Variants in BNC2 observed in about 807,000 individuals in gnomAD.
BNC2 encodes the protein basonuclin zinc finger protein 2, also known as zinc finger protein basonuclin-2.
Under a neutral mutation model 76.3 loss-of-function variants are expected in BNC2, and 20 were observed. The observed-to-expected ratio is 0.26, with a 90% CI of 0.18 to 0.38. The LOEUF is 0.38. Ranked by LOEUF, BNC2 falls within the 10% of genes least tolerant of loss-of-function variation. BNC2 has a pLI of 1.00. For synonymous variants in BNC2, 582 were observed against 514.8 expected (o/e 1.13, Z -1.77); for missense variants, 1,382 against 1,399.8 (o/e 0.99, Z 0.20).
chr9:16,540,095 TA>T (rs923738681), intron 5 of BNC2, among the ~76,000 whole-genome samples: 2 of 150,214 alleles, frequency 1.3e-5, no homozygotes, highest in Admixed American at 6.7e-5. Flanking sequence ...ACATGCATAG[TA>T]AAAAAAAGAC....
intron 4 of BNC2, among the ~76,000 whole-genome samples, chr9:16,565,989 CATCCGTA>C (rs1563842352): frequency 6.6e-6 from 1 of 152,130 alleles, no homozygotes; most frequent in Non-Finnish European, 1.5e-5. Context: ...AGCGAGGTTC[CATCCGTA>C]AAGCTGTATT....
intron 5 of BNC2, among the ~76,000 whole-genome samples, chr9:16,522,400 C>A (rs769030315): frequency 2.0e-5 from 3 of 152,170 alleles, no homozygotes; most frequent in Non-Finnish European, 4.4e-5. Flanking sequence ...GAAGAAATAC[C>A]GGCATCTGGT....
At chr9:16,686,395 T>C (rs2134357320) in intron 3 of BNC2, among the ~76,000 whole-genome samples, 1 of 152,286 alleles carries the variant, frequency 6.6e-6, no homozygotes, top group Admixed American at 6.5e-5. Flanking sequence ...TCATTTCAGA[T>C]TTTTTTAAGA....
At chr9:16,706,887 T>C (rs1160783750) in intron 3 of BNC2, among the ~76,000 whole-genome samples, 1 of 152,172 alleles carries the variant, frequency 6.6e-6, no homozygotes, top group Non-Finnish European at 1.5e-5. Flanking sequence ...TGAAATCAAA[T>C]TGTCAGTTTA....
At chr9:16,803,293 T>G (rs1005735584) in intron 1 of BNC2, among the ~76,000 whole-genome samples, 1 of 152,230 alleles carries the variant, frequency 6.6e-6, no homozygotes, top group Non-Finnish European at 1.5e-5. Flanking sequence ...GCTGAAATCC[T>G]GCTGGAAATG....
chr9:16,582,970 A>T lies in BNC2; in HGVS notation c.433+13T>A. 1 of 1,599,332 alleles carries T rather than the reference A, an allele frequency of 6.3e-7. No homozygotes were observed. Among genetic ancestry groups the T allele is most frequent in the African/African-American group, 1.3e-5 (1 of 74,626 alleles). On this transcript the variant is annotated intron_variant, in intron 4 of 6. Transcript: ENST00000380672. ...ATAATAAGAACGGGAAGAAAAGCCC[A>T]GATTTTCCTCACCATGTGCCACCCA... is the stretch of plus-strand genomic sequence containing the variant.
At chr9:16,868,982 G>A (rs955264023) in intron 1 of BNC2, among the ~76,000 whole-genome samples, 1 of 152,198 alleles carries the variant, frequency 6.6e-6, no homozygotes, top group Non-Finnish European at 1.5e-5. Context: ...GTGGAAGGCA[G>A]ACAGGCTTAG....
At chr9:16,603,349 A>G (rs187076917) in intron 3 of BNC2, among the ~76,000 whole-genome samples, 10 of 152,352 alleles carry the variant, frequency 6.6e-5, no homozygotes, top group Admixed American at 2.0e-4. Flanking sequence ...ACCAGTTAAA[A>G]TTACATTTTT....
chr9:16,790,817 CT>C (rs372342400), intron 1 of BNC2, among the ~76,000 whole-genome samples: 1,459 of 128,808 alleles, frequency 0.011, 20 homozygotes, highest in African/African-American at 0.038. Context: ...CCTTGGTAAG[CT>C]TTTTTTTTTT....
chr9:16,840,149 T>A (rs1046239076), intron 1 of BNC2, among the ~76,000 whole-genome samples: 2 of 17,174 alleles, frequency 1.2e-4, no homozygotes, highest in Non-Finnish European at 1.5e-4. Flanking sequence ...AGTGACAGAG[T>A]CTGGGTTAGA....
At chr9:16,625,063 T>C (rs10810579) in intron 3 of BNC2, among the ~76,000 whole-genome samples, 55,441 of 152,088 alleles carry the variant, frequency 0.36, 10,416 homozygotes, top group Non-Finnish European at 0.4. Context: ...TAAGTGGTAA[T>C]TGGACACAGA....
intron 3 of BNC2, among the ~76,000 whole-genome samples, chr9:16,608,442 GA>G (rs895856508): frequency 7.4e-5 from 11 of 149,468 alleles, no homozygotes; most frequent in South Asian, 2.1e-4. Context: ...AAAACTAAAA[GA>G]AAAAAAAAGT....
intron 1 of BNC2, 57 bp downstream of exon 1, chr9:16,870,589 G>A (rs971808563): frequency 1.3e-6 from 2 of 1,598,448 alleles, no homozygotes; most frequent in African/African-American, 1.4e-5. Flanking sequence ...CTCGGGCGCG[G>A]GGGTCATTTC....
intron 1 of BNC2, among the ~76,000 whole-genome samples, chr9:16,865,655 C>T (rs900041445): frequency 6.6e-6 from 1 of 151,992 alleles, no homozygotes; most frequent in African/African-American, 2.4e-5. Context: ...GAGAAAAATA[C>T]TCTAGAATGT....
At chr9:16,753,526 T>G (rs954518165) in intron 1 of BNC2, among the ~76,000 whole-genome samples, 4 of 152,196 alleles carry the variant, frequency 2.6e-5, no homozygotes. Flanking sequence ...AGTGCTTAAA[T>G]CTACAGTGGA....
intron 5 of BNC2, among the ~76,000 whole-genome samples, chr9:16,449,893 T>A (rs566599836): frequency 3.4e-4 from 52 of 151,956 alleles, no homozygotes; most frequent in African/African-American, 1.3e-3. Context: ...CCTGAATACA[T>A]TTCCTATTAT....
At chr9:16,745,396 G>A (rs1026126332) in intron 1 of BNC2, among the ~76,000 whole-genome samples, 1 of 152,142 alleles carries the variant, frequency 6.6e-6, no homozygotes, top group Admixed American at 6.5e-5. Context: ...AGCTGCTGAG[G>A]GAATGGGCAG....
chr9:16,785,290 A>C (rs975967695), intron 1 of BNC2, among the ~76,000 whole-genome samples: 2 of 152,204 alleles, frequency 1.3e-5, no homozygotes, highest in Admixed American at 1.3e-4. Context: ...AGTGTGGATG[A>C]ACAGTTGTTC....
At chr9:16,639,300 CT>C (rs1444977291) in intron 3 of BNC2, among the ~76,000 whole-genome samples, 1 of 152,090 alleles carries the variant, frequency 6.6e-6, no homozygotes, top group Non-Finnish European at 1.5e-5. Context: ...TGGAAAAAAT[CT>C]GGTCATTTTA....
Sources: allele counts gnomAD v4.1 joint callset (sites outside exome capture counted in the v4.1 genomes callset), GRCh38; gene constraint gnomAD v4.1.1; transcripts MANE v1.5; gene names NCBI Gene and HGNC (gene_info 2026-07-23, HGNC 2026-07-21).